Variants in E2F8 observed in about 807,000 individuals in gnomAD.
The protein encoded by E2F8 is transcription factor E2F8.
E2F8 carries 35 observed loss-of-function variants against 80.8 expected under a neutral mutation model. The ratio of observed to expected loss-of-function variants is 0.43; its 90% CI spans 0.33 to 0.57. E2F8 has a LOEUF of 0.57. Among genes scored for constraint, E2F8 ranks in the 20% least tolerant of loss-of-function variants. The probability of loss-of-function intolerance (pLI) is 0.04; values close to 1 mark genes in which losing one functional copy is unlikely to be tolerated. For synonymous variants in E2F8, 386 were observed against 395.0 expected (o/e 0.98, Z 0.27); for missense variants, 975 against 1,056.2 (o/e 0.92, Z 1.07).
chr11:19,241,012 A>C (rs1396214891), upstream of E2F8: 2 of 152,438 alleles, frequency 1.3e-5, no homozygotes, highest in Non-Finnish European at 2.9e-5. The surrounding 1 kb of genome is among the most constrained non-coding windows in gnomAD (Gnocchi z 4.5). Context: ...CAGTCCCGAC[A>C]GTTCCCGGAC....
Position 19,225,357 on chromosome 11 carries a change from G to A in E2F8, c.2285C>T (p.Ser762Phe). 1 of 1,614,168 alleles carries A rather than the reference G, an allele frequency of 6.2e-7. No individual in the cohort carries two copies. The highest frequency in any genetic ancestry group is 1.7e-5 in the Admixed American group (1 of 60,014). Residue 762 changes from serine to phenylalanine, a missense_variant, in exon 12 of 13, where the codon TCT becomes TTT. Transcript: ENST00000250024. ...ASPGSGIVPV[S>F]PRIESVNVAP... ...GACATTAACAGACTCTATTCTTGGA[G>A]ACACAGGAACGATTCCAGACCCAGG...
chr11:19,226,575 C>T (rs1450363521), intron 10 of E2F8, among the ~76,000 whole-genome samples: 1 of 152,198 alleles, frequency 6.6e-6, no homozygotes, highest in African/African-American at 2.4e-5. Flanking sequence ...CCACTCCCTG[C>T]CTGTTTTTAT....
chr11:19,235,322 T>C (rs1348264493), intron 4 of E2F8, among the ~76,000 whole-genome samples: 1 of 152,214 alleles, frequency 6.6e-6, no homozygotes, highest in African/African-American at 2.4e-5. Flanking sequence ...CACCCTAAAC[T>C]TGTGAAGTAG....
chr11:19,230,943 C>T lies in E2F8; in HGVS notation c.1067-109G>A, dbSNP rs572764900. 123 of 923,328 alleles carry T rather than the reference C, an allele frequency of 1.3e-4. 2 individuals carry two copies. The East Asian group carries it at 3.2e-3, about 24-fold the overall frequency. 57.2% of individuals were successfully genotyped at this position (923,328 alleles called of 1,614,324 possible). ...AAGTGGCAAGTTACAGAGCACCGACCATGTGCCTGTCACTGTTCTAAGGGC... is the reference window on the plus strand; with the variant it reads ...AAGTGGCAAGTTACAGAGCACCGACTATGTGCCTGTCACTGTTCTAAGGGC... On this transcript the variant is annotated intron_variant, in intron 7 of 12. Coordinates refer to ENST00000250024, the MANE Select transcript of E2F8 (RefSeq NM_024680.4).
In E2F8 at chr11:19,234,503, T is replaced by C; in HGVS notation, c.785A>G (p.Lys262Arg). The C allele has an allele frequency of 6.2e-7, 1 of 1,614,044 alleles. No individual in the cohort carries two copies. The change falls in exon 6 of 13, where the codon AAA becomes AGA. Residue 262 changes from lysine to arginine, a missense_variant. By Grantham distance (26) the Lys-to-Arg change is conservative. Coordinates refer to ENST00000250024, the MANE Select transcript of E2F8 (RefSeq NM_024680.4). The part of the protein sequence containing the change: ...EFRAASVNSR[K>R]DKSLRVMSQK... The stretch of plus-strand genomic sequence containing the variant: ...GCTCATTACCCTTAAAGACTTGTCT[T>C]TGCGGCTGTTTACAGAAGCTTTAGA...
intron 2 of E2F8, among the ~76,000 whole-genome samples, chr11:19,239,558 T>C (rs565625710): frequency 3.3e-5 from 5 of 151,874 alleles, no homozygotes; most frequent in Non-Finnish European, 7.4e-5. Flanking sequence ...GCAGACCCCA[T>C]AAATAAGCTG....
At chr11:19,233,459 AT>A (rs770990750) in intron 6 of E2F8, among the ~76,000 whole-genome samples, 109 of 152,188 alleles carry the variant, frequency 7.2e-4, no homozygotes, top group Admixed American at 1.2e-3. Flanking sequence ...ATTTACTCTC[AT>A]TTAGAGCTCA....
At chr11:19,239,368 GC>G (rs1416270540) in intron 2 of E2F8, among the ~76,000 whole-genome samples, 1 of 152,130 alleles carries the variant, frequency 6.6e-6, no homozygotes. Context: ...CTGACAATAG[GC>G]TTTTTCTTTG....
At chr11:19,233,351 T>G (rs946785453) in intron 6 of E2F8, among the ~76,000 whole-genome samples, 3 of 152,236 alleles carry the variant, frequency 2.0e-5, no homozygotes, top group African/African-American at 7.2e-5. Flanking sequence ...AGACTACCTG[T>G]GCTGCAGGTC....
intron 9 of E2F8, 125 bp downstream of exon 9, chr11:19,230,116 A>T: frequency 1.3e-6 from 2 of 1,486,874 alleles, no homozygotes; most frequent in South Asian, 1.3e-5. Context: ...ATGAGTGAGT[A>T]TGAGATACAG....
chr11:19,229,348 C>T lies in E2F8; in HGVS notation c.1893+106G>A, dbSNP rs1851310237. On this transcript the variant is annotated intron_variant, in intron 10 of 12. Coordinates refer to ENST00000250024, the MANE Select transcript of E2F8 (RefSeq NM_024680.4). The surrounding 1 kb of genome is among the most constrained non-coding windows in gnomAD (Gnocchi z 4.3). Reference sequence around the variant, plus strand: ...ATTATGGGATGCTAAGGAACAGTTCCTTGTCTTCTGAGAGAATGCTCTTCG... The same window carrying T: ...ATTATGGGATGCTAAGGAACAGTTCTTTGTCTTCTGAGAGAATGCTCTTCG... The T allele has an allele frequency of 6.9e-7, 1 of 1,455,164 alleles. No individual in the cohort carries two copies. 90.1% of individuals were successfully genotyped at this position (1,455,164 alleles called of 1,614,324 possible).
chr11:19,225,192 AAAATT>A (rs749792747), intron 12 of E2F8, 24 bp downstream of exon 12: 2 of 1,594,744 alleles, frequency 1.3e-6, no homozygotes, highest in East Asian at 4.5e-5. Context: ...AATTCCAGGA[AAAATT>A]AAATTAAGTA....
intron 4 of E2F8, among the ~76,000 whole-genome samples, chr11:19,237,099 T>C (rs1259040930): frequency 6.6e-6 from 1 of 152,204 alleles, no homozygotes; most frequent in African/African-American, 2.4e-5. Context: ...AGAAGCAACC[T>C]CCATTGTGAC....
chr11:19,229,804 C>G lies in E2F8; in HGVS notation c.1543G>C (p.Ala515Pro), dbSNP rs765194559. Reference protein sequence around the residue: ...SSAVPLILPQAPSGPSYAIYL... With the variant: ...SSAVPLILPQPPSGPSYAIYL... Reference sequence around the variant, plus strand: ...ATGGCATAGGATGGGCCTGAAGGGGCCTGAGGTAGGATCAGGGGCACTGCT... The same window carrying G: ...ATGGCATAGGATGGGCCTGAAGGGGGCTGAGGTAGGATCAGGGGCACTGCT... Residue 515 changes from alanine to proline, a missense_variant, in exon 10 of 13, where the codon GCC (alanine) becomes CCC (proline). Ala to Pro is a conservative substitution (Grantham distance 27). Transcript: ENST00000250024. This position sits in a 1 kb window ranked among gnomAD's most constrained non-coding sequence, Gnocchi z 4.3. 6.2e-7 allele frequency: 1 copy of G among 1,613,790 alleles called. No homozygotes were observed. The highest frequency in any genetic ancestry group is 1.1e-5 in the South Asian group (1 of 91,028).
At chr11:19,234,018 C>T (rs556259411) in intron 6 of E2F8, among the ~76,000 whole-genome samples, 4 of 151,230 alleles carry the variant, frequency 2.6e-5, no homozygotes, top group South Asian at 2.1e-4. Flanking sequence ...TGTGGTGGCG[C>T]GCAACTGTAA....
At chr11:19,236,144 C>A (rs1387214305) in intron 4 of E2F8, among the ~76,000 whole-genome samples, 3 of 152,208 alleles carry the variant, frequency 2.0e-5, no homozygotes, top group African/African-American at 7.2e-5. Context: ...CTTGCTGTCC[C>A]TGGAACCTGC....
Position 19,225,860 on chromosome 11 carries a change from A to G in E2F8, c.1898T>C (p.Leu633Ser). The G allele has an allele frequency of 6.2e-7, 1 of 1,612,274 alleles. No homozygotes were observed. The part of the protein sequence containing the change: ...LKGLENVSAT[L>S]FPSGYLIPLT... ...AGGGATTAGGTATCCTGATGGGAAC[A>G]AGGTCTAGAAAACAAGGAGGAAGGG... The change falls in exon 11 of 13, where the codon TTG (leucine) becomes TCG (serine). Residue 633 changes from leucine (L) to serine (S), a missense_variant. Leu to Ser is a moderately radical substitution (Grantham distance 145). Transcript: ENST00000250024.
intron 10 of E2F8, among the ~76,000 whole-genome samples, chr11:19,227,321 G>T (rs2133556448): frequency 6.6e-6 from 1 of 152,256 alleles, no homozygotes; most frequent in Admixed American, 6.5e-5. Context: ...CAGGAAGAGA[G>T]AATTTTTAAG....
rs760623568 is a variant in E2F8 at position 19,229,771 on chromosome 11, G to T, written c.1576C>A (p.Gln526Lys). 6.2e-7 allele frequency: 1 copy of T among 1,614,200 alleles called. No individual in the cohort carries two copies. The highest frequency in any genetic ancestry group is 8.5e-7 in the Non-Finnish European group (1 of 1,180,034). The change falls in exon 10 of 13, where the codon CAG (glutamine) becomes AAG (lysine). Residue 526 changes from glutamine (Q) to lysine (K), a missense_variant. Transcript: ENST00000250024. The surrounding 1 kb of genome is among the most constrained non-coding windows in gnomAD (Gnocchi z 4.3). ...ACACTTTGGTGGGCTTGAGTGGGCT[G>T]CAGGTAGATGGCATAGGATGGGCCT... is the stretch of plus-strand genomic sequence containing the variant. ...PSGPSYAIYL[Q>K]PTQAHQSVTP...
Sources: gnomAD v4.1 joint callset for allele counts (sites outside exome capture counted in the v4.1 genomes callset) on GRCh38, gnomAD v4.1.1 for gene constraint, Gnocchi (gnomAD v3.1) non-coding constraint, MANE v1.5 for transcripts, NCBI Gene and HGNC (gene_info 2026-07-23, HGNC 2026-07-21) for gene names.